CDYL2: variants seen among roughly 807,000 people sequenced by gnomAD.
The protein encoded by CDYL2 is chromodomain Y-like protein 2.
In CDYL2, 23 loss-of-function variants were observed where a neutral mutation model predicts 49.4. The ratio of observed to expected loss-of-function variants is 0.47; its 90% CI spans 0.34 to 0.66. The LOEUF (loss-of-function observed/expected upper bound fraction) is 0.66. Ranked by LOEUF, CDYL2 falls within the 30% of genes least tolerant of loss-of-function variation. The probability of loss-of-function intolerance (pLI) is 0.01; values close to 1 mark genes in which losing one functional copy is unlikely to be tolerated. For synonymous variants in CDYL2, 360 were observed against 268.8 expected (o/e 1.34, Z -3.32); for missense variants, 678 against 656.4 (o/e 1.03, Z -0.36).
chr16:80,708,813 C>T (rs1904491997), intron 1 of CDYL2, among the ~76,000 whole-genome samples: 1 of 152,046 alleles, frequency 6.6e-6, no homozygotes, highest in African/African-American at 2.4e-5. Flanking sequence ...AGGTTGTTCT[C>T]AGTTCCAAAG....
intron 1 of CDYL2, among the ~76,000 whole-genome samples, chr16:80,769,486 C>T (rs1906835643): frequency 6.6e-6 from 1 of 152,198 alleles, no homozygotes; most frequent in South Asian, 2.1e-4. Flanking sequence ...TACTCTATTG[C>T]TAGCTGCCAG....
intron 5 of CDYL2, among the ~76,000 whole-genome samples, chr16:80,610,634 T>G (rs1211606004): frequency 6.6e-6 from 1 of 152,068 alleles, no homozygotes; most frequent in African/African-American, 2.4e-5. Context: ...TAAACAGAGT[T>G]TAGTCACTGG....
chr16:80,618,673 G>C (rs1597126897), intron 4 of CDYL2, among the ~76,000 whole-genome samples: 1 of 152,142 alleles, frequency 6.6e-6, no homozygotes, highest in Non-Finnish European at 1.5e-5. Flanking sequence ...GCCCTCCCCA[G>C]GCTGGGACAA....
chr16:80,634,576 C>A (rs191804199), intron 2 of CDYL2, among the ~76,000 whole-genome samples: 1 of 152,118 alleles, frequency 6.6e-6, no homozygotes, highest in Non-Finnish European at 1.5e-5. Context: ...AGCAAACCAA[C>A]ACGACACATG....
At position 80,633,199 on chromosome 16, in the gene CDYL2, A is replaced by T. The variant is rs1211531545; in HGVS notation, c.654T>A (p.Ser218Arg). 8.1e-6 allele frequency: 13 copies of T among 1,614,140 alleles called. No individual in the cohort carries two copies. Among genetic ancestry groups the T allele is most frequent in the Non-Finnish European group, 1.1e-5 (13 of 1,180,006 alleles). ...CCGCTTCCAGCTTCCTCTTCACTGG[A>T]CTGTGCAGGTTCAATCCCCCGTTGG... Reference protein sequence around the residue: ...ALTNGGLNLHSPVKRKLEAEK... With the variant: ...ALTNGGLNLHRPVKRKLEAEK... The change falls in exon 3 of 7, where the codon AGT (serine) becomes AGA (arginine). Residue 218 changes from serine to arginine, a missense_variant. By Grantham distance (110) the Ser-to-Arg change is moderately radical (BLOSUM62 -1). Transcript: ENST00000570137.
intron 1 of CDYL2, among the ~76,000 whole-genome samples, chr16:80,775,507 C>T (rs901824261): frequency 6.6e-6 from 1 of 151,254 alleles, no homozygotes; most frequent in African/African-American, 2.4e-5. Context: ...AAAATAGCTT[C>T]AAATATGTTT....
At position 80,699,446 on chromosome 16, in the gene CDYL2, C is replaced by A. The variant is rs148589679; in HGVS notation, c.25-14317G>T. The stretch of plus-strand genomic sequence containing the variant: ...CAAATACCACTAGTACTCACTCATA[C>A]GTGGAAGCTAAAAAAGTTGATCTCA... On this transcript the variant is annotated intron_variant, in intron 1 of 6. Transcript: ENST00000570137. Among the ~76,000 whole-genome samples the A allele has an allele frequency of 1.2e-3, 189 of 152,170 alleles. 1 individual carries two copies. Among genetic ancestry groups the A allele is most frequent in the African/African-American group, 4.1e-3 (169 of 41,508 alleles).
At chr16:80,750,691 GGAGA>G (rs1906101018) in intron 1 of CDYL2, among the ~76,000 whole-genome samples, 1 of 152,092 alleles carries the variant, frequency 6.6e-6, no homozygotes, top group East Asian at 1.9e-4. Flanking sequence ...AACTATGAAG[GGAGA>G]GAGAGTACTA....
intron 1 of CDYL2, among the ~76,000 whole-genome samples, chr16:80,752,305 C>G (rs1906164823): frequency 6.6e-6 from 1 of 152,058 alleles, no homozygotes; most frequent in East Asian, 1.9e-4. Context: ...GTGGGAAAGT[C>G]TGTGTCTGTC....
chr16:80,693,301 T>G (rs956100439), intron 1 of CDYL2, among the ~76,000 whole-genome samples: 1 of 152,128 alleles, frequency 6.6e-6, no homozygotes, highest in Non-Finnish European at 1.5e-5. Context: ...TAAAGTTGTT[T>G]GGAAGACACA....
chr16:80,789,747 C>G (rs1907550372), intron 1 of CDYL2, among the ~76,000 whole-genome samples: 2 of 152,100 alleles, frequency 1.3e-5, no homozygotes, highest in African/African-American at 2.4e-5. Flanking sequence ...AGAATGAAAT[C>G]ATATCTTTTG....
intron 2 of CDYL2, among the ~76,000 whole-genome samples, chr16:80,649,593 T>C (rs1908498279): frequency 6.6e-6 from 1 of 152,118 alleles, no homozygotes; most frequent in African/African-American, 2.4e-5. Context: ...ATACCAATAA[T>C]ATTCTTCACA....
intron 1 of CDYL2, among the ~76,000 whole-genome samples, chr16:80,802,678 A>G (rs1907961703): frequency 6.6e-6 from 1 of 152,170 alleles, no homozygotes; most frequent in African/African-American, 2.4e-5. Context: ...CCGGCAGTCC[A>G]GGCCTGGGCC....
chr16:80,737,442 G>C (rs1274604999), intron 1 of CDYL2, among the ~76,000 whole-genome samples: 1 of 152,132 alleles, frequency 6.6e-6, no homozygotes, highest in Admixed American at 6.5e-5. Context: ...ACCAAAGCTG[G>C]GGTTCAAACC....
chr16:80,677,523 G>A (rs1909801487), intron 2 of CDYL2, among the ~76,000 whole-genome samples: 1 of 152,014 alleles, frequency 6.6e-6, no homozygotes, highest in South Asian at 2.1e-4. Flanking sequence ...CGGACCACGA[G>A]GTCAGGAGAT....
intron 1 of CDYL2, among the ~76,000 whole-genome samples, chr16:80,781,656 C>T (rs886869258): frequency 9.2e-5 from 14 of 152,130 alleles, no homozygotes; most frequent in East Asian, 3.9e-4. Context: ...CTTTAATAAA[C>T]GGTTTAAAAT....
chr16:80,635,285 T>C (rs1252782379), intron 2 of CDYL2, among the ~76,000 whole-genome samples: 2 of 152,192 alleles, frequency 1.3e-5, no homozygotes, highest in Non-Finnish European at 2.9e-5. Context: ...TTGTCTCTGT[T>C]TGCAGATGAT....
intron 3 of CDYL2, among the ~76,000 whole-genome samples, chr16:80,625,747 A>C (rs1907271868): frequency 6.6e-6 from 1 of 152,246 alleles, no homozygotes; most frequent in South Asian, 2.1e-4. Context: ...GCAAATATTT[A>C]ACCGGAGGCA....
chr16:80,620,183 A>G (rs1791006237), intron 4 of CDYL2, among the ~76,000 whole-genome samples: 2 of 152,270 alleles, frequency 1.3e-5, no homozygotes, highest in African/African-American at 4.8e-5. Flanking sequence ...ACTACCCTTC[A>G]GTGTCCCAAA....
Sources: gnomAD v4.1 joint callset for allele counts (sites outside exome capture counted in the v4.1 genomes callset) on GRCh38, gnomAD v4.1.1 for gene constraint, MANE v1.5 for transcripts, NCBI Gene and HGNC (gene_info 2026-07-23, HGNC 2026-07-21) for gene names.